GPATCH2: variants seen among roughly 807,000 people sequenced by gnomAD.
GPATCH2 encodes G-patch domain containing 2.
A neutral mutation model predicts 58.0 loss-of-function variants in GPATCH2; 51 were observed. The observed-to-expected ratio is 0.88, with a 90% CI of 0.70 to 1.11. The LOEUF (loss-of-function observed/expected upper bound fraction) is 1.11, where lower values mean the gene tolerates loss of function less well. Among genes scored for constraint, GPATCH2 ranks in the 50% most tolerant of loss-of-function variants. The pLI, the probability that GPATCH2 is intolerant of heterozygous loss-of-function variation, is 0.00. For missense variants in GPATCH2, 625 were observed against 652.2 expected (o/e 0.96, Z 0.45); for synonymous variants, 222 against 218.5 (o/e 1.02, Z -0.14).
chr1:217,434,678 A>G (rs375715705), intron 9 of GPATCH2, among the ~76,000 whole-genome samples: 1 of 152,342 alleles, frequency 6.6e-6, no homozygotes, highest in Admixed American at 6.5e-5. Context: ...CAGTAAGGCC[A>G]ATTTAAAATA....
intron 5 of GPATCH2, among the ~76,000 whole-genome samples, chr1:217,540,137 T>C (rs988769011): frequency 6.6e-6 from 1 of 152,208 alleles, no homozygotes; most frequent in African/African-American, 2.4e-5. Context: ...TTCAATTTTA[T>C]AACTGATAAA....
At chr1:217,514,184 G>T (rs1663007538) in intron 6 of GPATCH2, among the ~76,000 whole-genome samples, 1 of 150,830 alleles carries the variant, frequency 6.6e-6, no homozygotes, top group Admixed American at 6.6e-5. Context: ...TTCTGCGATG[G>T]AGTCTCACTC....
At chr1:217,610,212 TTTTAAG>T in intron 5 of GPATCH2, 103 bp downstream of exon 5, 1 of 1,585,562 alleles carries the variant, frequency 6.3e-7, no homozygotes, top group Non-Finnish European at 8.7e-7. Flanking sequence ...AATGGATTAT[TTTTAAG>T]TTTAACATTA....
At chr1:217,596,293 A>G (rs1241260769) in intron 5 of GPATCH2, among the ~76,000 whole-genome samples, 1 of 152,212 alleles carries the variant, frequency 6.6e-6, no homozygotes, top group African/African-American at 2.4e-5. Flanking sequence ...AGGTCTATCC[A>G]ATTTTTAAAA....
At chr1:217,549,541 C>A (rs576019620) in intron 5 of GPATCH2, among the ~76,000 whole-genome samples, 1 of 140,974 alleles carries the variant, frequency 7.1e-6, no homozygotes, top group South Asian at 2.3e-4. Context: ...ATGACACAAA[C>A]AAATGGCCCA....
At chr1:217,550,673 A>T (rs941746895) in intron 5 of GPATCH2, among the ~76,000 whole-genome samples, 8 of 152,028 alleles carry the variant, frequency 5.3e-5, no homozygotes, top group African/African-American at 1.9e-4. Context: ...CCCATAAAGT[A>T]AAATTTGTTT....
intron 5 of GPATCH2, among the ~76,000 whole-genome samples, chr1:217,577,964 C>T (rs1236148314): frequency 2.6e-5 from 4 of 151,446 alleles, no homozygotes; most frequent in African/African-American, 9.7e-5. Flanking sequence ...TCAGGCTGGT[C>T]TCGAACTCCC....
intron 5 of GPATCH2, chr1:217,608,639 C>A (rs991156017): frequency 4.1e-6 from 4 of 984,648 alleles, no homozygotes; most frequent in African/African-American, 3.5e-5. Flanking sequence ...TAGCATTCAT[C>A]TAGATTCATG....
intron 5 of GPATCH2, among the ~76,000 whole-genome samples, chr1:217,539,919 A>G (rs975792504): frequency 6.6e-6 from 1 of 152,108 alleles, no homozygotes; most frequent in Admixed American, 6.5e-5. Context: ...ATATACATCT[A>G]TGCTTACTGT....
chr1:217,479,143 A>G lies in GPATCH2; in HGVS notation c.1277+12537T>C, dbSNP rs1661101285. On this transcript the variant is annotated intron_variant, in intron 8 of 9. Coordinates refer to ENST00000366935, the MANE Select transcript of GPATCH2 (RefSeq NM_018040.5). ...ACAAGAAATTCTAAGGGAGTTTTTC[A>G]ATCTGAAAGAAAAGGACATTAATGA... is the stretch of plus-strand genomic sequence containing the variant. 2.0e-5 allele frequency among the ~76,000 whole-genome samples: 3 copies of G among 152,184 alleles called. 1 individual carries two copies. In the South Asian group the frequency reaches 6.2e-4, roughly 32 times the overall value.
intron 5 of GPATCH2, among the ~76,000 whole-genome samples, chr1:217,548,455 A>T (rs1440962166): frequency 6.6e-6 from 1 of 152,192 alleles, no homozygotes; most frequent in Admixed American, 6.5e-5. Context: ...ATACTAAGAC[A>T]CCTGCTTCTC....
At chr1:217,484,543 T>C (rs1467203337) in intron 8 of GPATCH2, among the ~76,000 whole-genome samples, 2 of 96,230 alleles carry the variant, frequency 2.1e-5, no homozygotes, top group Non-Finnish European at 2.2e-5. Flanking sequence ...TAAATCTTTC[T>C]ATATATAATT....
At position 217,513,081 on chromosome 1, in the gene GPATCH2, G is replaced by A. The variant is rs553243739; in HGVS notation, c.1166+1741C>T. Among the ~76,000 whole-genome samples the A allele has an allele frequency of 2.0e-5, 3 of 152,308 alleles. No individual in the cohort carries two copies. The South Asian group carries it at 6.2e-4, about 32-fold the overall frequency. ...AAGGTGGGCAGAAGGCCTGAGGTCA[G>A]GAGTTCGAGACCAGCCTAGCCAACA... On this transcript the variant is annotated intron_variant, in intron 6 of 9. Transcript: ENST00000366935.
intron 1 of GPATCH2, among the ~76,000 whole-genome samples, chr1:217,628,469 C>T (rs1669567098): frequency 6.6e-6 from 1 of 151,920 alleles, no homozygotes; most frequent in Admixed American, 6.6e-5. Flanking sequence ...GAAACAAAAA[C>T]CTGACTCAAA....
chr1:217,568,922 G>A (rs74142473), intron 5 of GPATCH2, among the ~76,000 whole-genome samples: 2,299 of 152,238 alleles, frequency 0.015, 52 homozygotes, highest in African/African-American at 0.052. Flanking sequence ...ATGTAGTGGT[G>A]CTAGAACAAG....
chr1:217,453,893 G>A (rs1659792399), intron 8 of GPATCH2, among the ~76,000 whole-genome samples: 2 of 152,296 alleles, frequency 1.3e-5, no homozygotes, highest in South Asian at 4.1e-4. Flanking sequence ...TGGATAAAAT[G>A]TGTTCCCAAG....
At chr1:217,456,173 T>A (rs566604908) in intron 8 of GPATCH2, among the ~76,000 whole-genome samples, 1 of 152,272 alleles carries the variant, frequency 6.6e-6, no homozygotes, top group African/African-American at 2.4e-5. Context: ...TGGTTAACAC[T>A]TAAGCTGTCT....
chr1:217,474,220 G>C (rs549404973), intron 8 of GPATCH2, among the ~76,000 whole-genome samples: 44 of 152,270 alleles, frequency 2.9e-4, no homozygotes, highest in African/African-American at 1.1e-3. Context: ...GGAAAAGAGA[G>C]AAGTATAGGA....
chr1:217,442,507 C>T (rs552917536), intron 9 of GPATCH2, among the ~76,000 whole-genome samples: 1 of 152,106 alleles, frequency 6.6e-6, no homozygotes, highest in Admixed American at 6.5e-5. Flanking sequence ...AAAACAAAAA[C>T]AAAAAACATT....
Sources: allele counts gnomAD v4.1 joint callset (sites outside exome capture counted in the v4.1 genomes callset), GRCh38; gene constraint gnomAD v4.1.1; transcripts MANE v1.5; gene names NCBI Gene and HGNC (gene_info 2026-07-23, HGNC 2026-07-21).